The following ITK variants were observed in gnomAD, a reference collection of about 807,000 sequenced individuals.
The protein encoded by ITK is tyrosine-protein kinase ITK/TSK.
In ITK, 45 loss-of-function variants were observed where a neutral mutation model predicts 87.6. The observed-to-expected ratio is 0.51, with a 90% CI of 0.40 to 0.66. ITK has a LOEUF of 0.66. Ranked by LOEUF, ITK falls within the 30% of genes least tolerant of loss-of-function variation. The pLI, the probability that ITK is intolerant of heterozygous loss-of-function variation, is 0.00. For synonymous variants in ITK, 303 were observed against 273.6 expected, an observed-to-expected ratio of 1.11 and a Z score of -1.06; for missense variants, 605 against 766.3, an observed-to-expected ratio of 0.79 and a Z score of 2.48.
intron 1 of ITK, among the ~76,000 whole-genome samples, chr5:157,190,591 A>G (rs1039797849): frequency 3.0e-4 from 46 of 152,194 alleles, no homozygotes; most frequent in Non-Finnish European, 6.2e-4. Flanking sequence ...CAAGTGTATA[A>G]CTGCATAGGG....
chr5:157,239,686 T>A (rs1269600001), intron 9 of ITK, among the ~76,000 whole-genome samples: 1 of 152,128 alleles, frequency 6.6e-6, no homozygotes, highest in East Asian at 1.9e-4. Context: ...TTATTTGACT[T>A]ATGAAGTCAA....
At chr5:157,181,463 T>G (rs1036996187) in intron 1 of ITK, among the ~76,000 whole-genome samples, 35 of 152,222 alleles carry the variant, frequency 2.3e-4, no homozygotes, top group Admixed American at 2.3e-3. Context: ...CTAAATTTAA[T>G]GAAACATACT....
At position 157,244,469 on chromosome 5, in the gene ITK, C is replaced by T; in HGVS notation, c.1440C>T (p.His480=). 1 of 1,599,484 alleles carries T rather than the reference C, an allele frequency of 6.3e-7. No individual in the cohort carries two copies. ...ACCTGGAAGAGGCATGTGTCATCCA[C>T]AGAGACTTGGTATGAGCATGCAGGG... ...MAYLEEACVI[H]RDLAARNCLV... Residue 480 remains histidine (H), a synonymous_variant, in exon 13 of 17, where the codon CAC becomes CAT. Transcript: ENST00000422843.
chr5:157,253,504 C>G lies in ITK; in HGVS notation c.*826C>G, dbSNP rs1755187343. Reference sequence around the variant, plus strand: ...TTTTATACCAAGCTCATCTTTTATACCAAGCTGTGCAGGTGACTATGCCTC... The same window carrying G: ...TTTTATACCAAGCTCATCTTTTATAGCAAGCTGTGCAGGTGACTATGCCTC... On this transcript the variant is annotated 3_prime_UTR_variant, in exon 17 of 17. Coordinates refer to ENST00000422843, the MANE Select transcript of ITK (RefSeq NM_005546.4). 1 of 225,660 alleles carries G rather than the reference C, an allele frequency of 4.4e-6. No homozygotes were observed. The highest frequency in any genetic ancestry group is 6.4e-5 in the East Asian group (1 of 15,720). The allele number at this position is 225,660 out of a possible 1,614,324, so 14.0% of individuals were successfully genotyped here.
At chr5:157,245,823 A>G in intron 14 of ITK, 33 bp downstream of exon 14, 1 of 1,611,972 alleles carries the variant, frequency 6.2e-7, no homozygotes, top group Non-Finnish European at 8.5e-7. Flanking sequence ...GTGAAGTCTC[A>G]GGAATGGGAC....
At chr5:157,232,048 C>A (rs1221611180) in intron 7 of ITK, among the ~76,000 whole-genome samples, 4 of 152,048 alleles carry the variant, frequency 2.6e-5, no homozygotes, top group African/African-American at 9.7e-5. Context: ...ATCCATGTTC[C>A]CCAAACCTAG....
chr5:157,217,123 T>C (rs942720377), intron 4 of ITK, among the ~76,000 whole-genome samples: 1 of 151,212 alleles, frequency 6.6e-6, no homozygotes, highest in Non-Finnish European at 1.5e-5. Context: ...AGTCCAGGAA[T>C]GGCCTTTGCA....
At chr5:157,202,808 A>C (rs1353116710) in intron 1 of ITK, among the ~76,000 whole-genome samples, 2 of 152,216 alleles carry the variant, frequency 1.3e-5, no homozygotes, top group Non-Finnish European at 2.9e-5. Flanking sequence ...GAATGTGCCT[A>C]CTGGAAAAAC....
At chr5:157,184,276 T>G (rs1417663246) in intron 1 of ITK, among the ~76,000 whole-genome samples, 4 of 152,174 alleles carry the variant, frequency 2.6e-5, no homozygotes, top group South Asian at 2.1e-4. Flanking sequence ...TGATTCATAG[T>G]GTTTGCCAAT....
At chr5:157,184,853 T>C (rs1457385023) in intron 1 of ITK, among the ~76,000 whole-genome samples, 4 of 152,232 alleles carry the variant, frequency 2.6e-5, no homozygotes, top group Non-Finnish European at 5.9e-5. Context: ...TTCTCCTATT[T>C]TGATGACTCT....
At chr5:157,249,391 A>G (rs1755095122) in intron 16 of ITK, among the ~76,000 whole-genome samples, 1 of 152,328 alleles carries the variant, frequency 6.6e-6, no homozygotes, top group East Asian at 1.9e-4. Context: ...TGCACTATGA[A>G]AATATTAAAA....
chr5:157,185,995 T>C (rs552656817), intron 1 of ITK, among the ~76,000 whole-genome samples: 2 of 152,324 alleles, frequency 1.3e-5, no homozygotes, highest in East Asian at 3.9e-4. Flanking sequence ...TTATTTCACC[T>C]AACCATTATA....
At chr5:157,247,722 GA>G (rs1002817482) in intron 15 of ITK, among the ~76,000 whole-genome samples, 11 of 152,310 alleles carry the variant, frequency 7.2e-5, no homozygotes, top group African/African-American at 2.4e-4. Flanking sequence ...CTAAGCAACA[GA>G]AACCTGGATG....
chr5:157,231,153 G>A (rs932146375), intron 7 of ITK, among the ~76,000 whole-genome samples: 1 of 152,192 alleles, frequency 6.6e-6, no homozygotes, highest in African/African-American at 2.4e-5. Flanking sequence ...CTCCTGCCTT[G>A]GTTTGCAGCC....
At chr5:157,211,064 C>G (rs759731689) in intron 2 of ITK, among the ~76,000 whole-genome samples, 3 of 152,066 alleles carry the variant, frequency 2.0e-5, no homozygotes, top group Admixed American at 6.5e-5. Context: ...AGTGATTGCT[C>G]TCTTGGGGCA....
intron 4 of ITK, 34 bp from the exon 5 acceptor site, chr5:157,217,833 C>T (rs768779968): frequency 1.9e-6 from 3 of 1,607,734 alleles, no homozygotes; most frequent in Non-Finnish European, 2.6e-6. Flanking sequence ...AGTTTTCATG[C>T]TCATTTTTTC....
chr5:157,251,727 G>A (rs1283278642), intron 16 of ITK, among the ~76,000 whole-genome samples: 1 of 152,186 alleles, frequency 6.6e-6, no homozygotes, highest in African/African-American at 2.4e-5. Flanking sequence ...ACATATGGAT[G>A]TCCAATTATT....
chr5:157,229,146 A>G (rs1754596899), intron 7 of ITK, among the ~76,000 whole-genome samples: 3 of 152,268 alleles, frequency 2.0e-5, no homozygotes, highest in African/African-American at 7.2e-5. Flanking sequence ...TTCTTATAGT[A>G]GAATGCCAAC....
At chr5:157,194,858 A>G (rs1561648092) in intron 1 of ITK, among the ~76,000 whole-genome samples, 1 of 152,234 alleles carries the variant, frequency 6.6e-6, no homozygotes, top group African/African-American at 2.4e-5. Flanking sequence ...GAACTAGGGT[A>G]TGGTAGAAAT....
Sources: allele counts gnomAD v4.1 joint callset (sites outside exome capture counted in the v4.1 genomes callset), GRCh38; gene constraint gnomAD v4.1.1; transcripts MANE v1.5; gene names NCBI Gene and HGNC (gene_info 2026-07-23, HGNC 2026-07-21).